NECTIN3: variants seen among roughly 807,000 people sequenced by gnomAD.
The protein encoded by NECTIN3 is nectin-3.
Under a neutral mutation model 49.4 loss-of-function variants are expected in NECTIN3, and 8 were observed. That is an observed-to-expected ratio of 0.16 (90% CI 0.10 to 0.29). NECTIN3 has a LOEUF of 0.29. NECTIN3 is among the 10% of genes least tolerant of loss of function. The pLI, the probability that NECTIN3 is intolerant of heterozygous loss-of-function variation, is 1.00. For missense variants in NECTIN3, 581 were observed against 654.6 expected, an observed-to-expected ratio of 0.89 and a Z score of 1.23; for synonymous variants, 277 against 241.1, an observed-to-expected ratio of 1.15 and a Z score of -1.38.
In NECTIN3 at chr3:111,134,115, G is replaced by A. The variant is rs1478647105; in HGVS notation, c.1550G>A (p.Gly517Glu). Residue 517 changes from glycine (G) to glutamate (E), a missense_variant, in exon 6 of 6, where the codon GGA (glycine) becomes GAA (glutamate). By Grantham distance (98) the Gly-to-Glu change is moderately conservative. Transcript: ENST00000485303. The part of the protein sequence containing the change: ...PMDYYEDLKM[G>E]MKFVSDEHYD... ...GATTATTATGAAGATCTAAAAATGG[G>A]AATGAAGTTTGTCAGTGATGAACAT... The A allele has an allele frequency of 1.2e-6, 2 of 1,613,502 alleles. No homozygotes were observed. The highest frequency in any genetic ancestry group is 1.1e-5 in the South Asian group (1 of 91,020).
chr3:111,087,926 G>C (rs915089349), intron 1 of NECTIN3, among the ~76,000 whole-genome samples: 2 of 151,968 alleles, frequency 1.3e-5, no homozygotes, highest in African/African-American at 4.8e-5. Context: ...TTGAACTCCT[G>C]ACCTCAAGCA....
intron 1 of NECTIN3, among the ~76,000 whole-genome samples, chr3:111,105,947 A>G (rs1035718842): frequency 6.6e-5 from 10 of 150,560 alleles, no homozygotes; most frequent in South Asian, 2.1e-4. Context: ...CACTCCACCA[A>G]AACAGTTGCT....
Position 111,133,812 on chromosome 3 carries a change from T to C in NECTIN3, c.1247T>C (p.Ile416Thr). ...IASVVGGALF[I>T]VLVSVLAGIF... ...AGTGTAGTGGGTGGGGCTCTCTTCA[T>C]AGTACTTGTAAGTGTTTTGGCTGGA... The change falls in exon 6 of 6, where the codon ATA becomes ACA. Residue 416 changes from isoleucine (I) to threonine (T), a missense_variant. Ile to Thr is a moderately conservative substitution (Grantham distance 89, BLOSUM62 -1). Transcript: ENST00000485303. The C allele has an allele frequency of 1.9e-6, 3 of 1,613,944 alleles. No individual in the cohort carries two copies. The highest frequency in any genetic ancestry group is 2.5e-6 in the Non-Finnish European group (3 of 1,179,868).
rs187580571 is a variant in NECTIN3, at chr3:111,163,462, T to C, written c.1221+15978T>C. On this transcript the variant is annotated intron_variant, in intron 7 of 8. Transcript: ENST00000493615. Reference sequence around the variant, plus strand: ...GACTAGAAATAATGCTGTAGCAGTTTTTGGAAAATACAATCTTTGCTCTCT... The same window carrying C: ...GACTAGAAATAATGCTGTAGCAGTTCTTGGAAAATACAATCTTTGCTCTCT... Among the ~76,000 whole-genome samples the C allele has an allele frequency of 3.1e-4, 47 of 152,340 alleles. 1 individual carries two copies. In the East Asian group the frequency reaches 5.2e-3, roughly 17 times the overall value.
chr3:111,073,931 A>G (rs1180212882), intron 1 of NECTIN3, among the ~76,000 whole-genome samples: 2 of 152,224 alleles, frequency 1.3e-5, no homozygotes, highest in African/African-American at 2.4e-5. Context: ...AAAAATCTCA[A>G]TGTAGCATTG....
intron 5 of NECTIN3, among the ~76,000 whole-genome samples, chr3:111,129,667 T>G (rs1357895782): frequency 1.3e-5 from 2 of 151,332 alleles, no homozygotes; most frequent in Non-Finnish European, 2.9e-5. Context: ...TTTTTTTTTT[T>G]GGAGACAGTC....
chr3:111,138,809 C>T (rs2034666019), downstream of NECTIN3, among the ~76,000 whole-genome samples: 1 of 151,612 alleles, frequency 6.6e-6, no homozygotes, highest in Non-Finnish European at 1.5e-5. Flanking sequence ...TTTAGAGCCT[C>T]ATTTCCTTAT....
chr3:111,120,253 G>A (rs1425510839), intron 3 of NECTIN3, among the ~76,000 whole-genome samples: 1 of 148,850 alleles, frequency 6.7e-6, no homozygotes, highest in Non-Finnish European at 1.5e-5. Context: ...GTTTTTTTTT[G>A]TTTGCTTGAA....
At chr3:111,173,494 C>T (rs1184257256) in intron 7 of NECTIN3, among the ~76,000 whole-genome samples, 1 of 152,226 alleles carries the variant, frequency 6.6e-6, no homozygotes, top group East Asian at 1.9e-4. Context: ...ATATGAGCTG[C>T]TCACTCACCA....
chr3:111,174,672 AG>A (rs2035492783), intron 7 of NECTIN3, among the ~76,000 whole-genome samples: 1 of 143,208 alleles, frequency 7.0e-6, no homozygotes, highest in African/African-American at 2.6e-5. Context: ...GACATACAGC[AG>A]GGTTGTGGCT....
intron 7 of NECTIN3, among the ~76,000 whole-genome samples, chr3:111,153,451 A>G (rs983185826): frequency 5.3e-5 from 8 of 152,052 alleles, no homozygotes; most frequent in Non-Finnish European, 1.0e-4. Context: ...TGTCTTCATC[A>G]TATCAAAGCT....
rs542134138 is a variant in NECTIN3, at chr3:111,072,171, C to G, written c.154C>G (p.Leu52Val). 5 of 1,555,336 alleles carry G rather than the reference C, an allele frequency of 3.2e-6. No individual in the cohort carries two copies. In the African/African-American group the frequency reaches 6.8e-5, roughly 21 times the overall value. Residue 52 changes from leucine to valine, a missense_variant, in exon 1 of 6, where the codon CTC becomes GTC. Coordinates refer to ENST00000485303, the MANE Select transcript of NECTIN3 (RefSeq NM_015480.3). ...LLFPLLLFSR[L>V]CGALAGPIIV... ...CTTCCCGCTGCTGCTCTTCTCCAGGCTCTGTGGTAGGTGAACCTCGGCGGC... is the reference window on the plus strand; with the variant it reads ...CTTCCCGCTGCTGCTCTTCTCCAGGGTCTGTGGTAGGTGAACCTCGGCGGC...
At chr3:111,150,986 A>T (rs1007410062) in intron 7 of NECTIN3, among the ~76,000 whole-genome samples, 4 of 151,916 alleles carry the variant, frequency 2.6e-5, no homozygotes, top group African/African-American at 7.2e-5. Flanking sequence ...GATGTAAAAG[A>T]TCATAAAGGG....
intron 7 of NECTIN3, among the ~76,000 whole-genome samples, chr3:111,162,136 G>C (rs926081271): frequency 6.6e-6 from 1 of 151,932 alleles, no homozygotes; most frequent in Non-Finnish European, 1.5e-5. Flanking sequence ...GGTTTTCTTG[G>C]GGGGTGGGTC....
chr3:111,164,240 T>A (rs927626326), intron 7 of NECTIN3, among the ~76,000 whole-genome samples: 3 of 152,286 alleles, frequency 2.0e-5, no homozygotes, highest in Admixed American at 2.0e-4. Flanking sequence ...CCAAGATATA[T>A]CATTTATATC....
intron 1 of NECTIN3, among the ~76,000 whole-genome samples, chr3:111,105,797 C>T (rs2033155061): frequency 6.6e-6 from 1 of 152,136 alleles, no homozygotes; most frequent in South Asian, 2.1e-4. Context: ...TCGTCTACTG[C>T]CTCTGAGGGA....
intron 5 of NECTIN3, among the ~76,000 whole-genome samples, chr3:111,131,815 C>T (rs1180802720): frequency 2.0e-5 from 3 of 151,728 alleles, no homozygotes; most frequent in Admixed American, 6.6e-5. Flanking sequence ...CTGAAAAAAA[C>T]TAGCATATAA....
chr3:111,105,766 T>C (rs2033153617), intron 1 of NECTIN3, among the ~76,000 whole-genome samples: 1 of 152,216 alleles, frequency 6.6e-6, no homozygotes, highest in Non-Finnish European at 1.5e-5. Flanking sequence ...CTATTTAGTT[T>C]CTCTGTCCTT....
rs2034541801 is a variant in NECTIN3, at chr3:111,135,368, A to G, written c.*1153A>G. The stretch of plus-strand genomic sequence containing the variant: ...TTTAAGATTTCTGTTTTTACGATTA[A>G]AACTGGAAACATGAGGTTTTTTGTT... On this transcript the variant is annotated 3_prime_UTR_variant, in exon 6 of 6. Transcript: ENST00000485303. The G allele has an allele frequency of 1.1e-6, 1 of 936,828 alleles. No individual in the cohort carries two copies. Among genetic ancestry groups the G allele is most frequent in the Non-Finnish European group, 1.3e-6 (1 of 786,088 alleles). 58.0% of individuals were successfully genotyped at this position (936,828 alleles called of 1,614,324 possible).
Sources: gnomAD v4.1 joint callset for allele counts (sites outside exome capture counted in the v4.1 genomes callset) on GRCh38, gnomAD v4.1.1 for gene constraint, MANE v1.5 for transcripts, NCBI Gene and HGNC (gene_info 2026-07-23, HGNC 2026-07-21) for gene names.